CFHR5: variants seen among roughly 807,000 people sequenced by gnomAD.
The protein encoded by CFHR5 is complement factor H-related protein 5.
A neutral mutation model predicts 62.9 loss-of-function variants in CFHR5; 73 were observed. The observed-to-expected ratio is 1.16, with a 90% CI of 0.96 to 1.41. The LOEUF (loss-of-function observed/expected upper bound fraction) is 1.41. CFHR5 is among the 40% of genes most tolerant of loss of function. The pLI is 0.00. For missense variants in CFHR5, 779 were observed against 679.9 expected, an observed-to-expected ratio of 1.15 and a Z score of -1.62; for synonymous variants, 249 against 227.2, an observed-to-expected ratio of 1.10 and a Z score of -0.86.
chr1:197,005,354 A>G lies in CFHR5; in HGVS notation c.1513+511A>G, dbSNP rs192243322. On this transcript the variant is annotated intron_variant, in intron 9 of 9. Transcript: ENST00000256785. Reference sequence around the variant, plus strand: ...GAAAATCTGGAAGAGTTACTGAGCCACTTTCTAAATCTTCACTATCCCTTC... The same window carrying G: ...GAAAATCTGGAAGAGTTACTGAGCCGCTTTCTAAATCTTCACTATCCCTTC... Among the ~76,000 whole-genome samples the G allele has an allele frequency of 4.3e-3, 652 of 152,294 alleles. 15 individuals are homozygous for G. Among genetic ancestry groups the G allele is most frequent in the Admixed American group, 0.039 (591 of 15,296 alleles).
chr1:197,000,332 G>A (rs1013628277), intron 7 of CFHR5, among the ~76,000 whole-genome samples: 1 of 151,976 alleles, frequency 6.6e-6, no homozygotes, highest in East Asian at 1.9e-4. Context: ...AGAAATACAT[G>A]GCTTCAAGAA....
chr1:196,990,434 G>T (rs1004002901), intron 3 of CFHR5, among the ~76,000 whole-genome samples: 10 of 152,140 alleles, frequency 6.6e-5, no homozygotes, highest in African/African-American at 2.2e-4. Context: ...TAGTTATTTT[G>T]CCCGTTAGTT....
At chr1:196,975,253 A>C (rs1653369947), upstream of CFHR5, among the ~76,000 whole-genome samples, 2 of 152,318 alleles carry the variant, frequency 1.3e-5, 1 homozygote, top group South Asian at 4.2e-4. Context: ...GAAAAAATGA[A>C]TTAAAGTAGA....
Position 196,980,591 on chromosome 1 carries a change from CGTGTGTGT to C in CFHR5, c.59-2263_59-2256del, listed in dbSNP as rs57437038. ...AAATGACTGTATGTCTGTATATATA[CGTGTGTGT>C]GTGTGTGTGTGTGTGTGTGTGTGTG... On this transcript the variant is annotated intron_variant, in intron 1 of 9. Transcript: ENST00000256785. 6.9e-3 allele frequency among the ~76,000 whole-genome samples: 998 copies of C among 145,502 alleles called. 10 individuals carry two copies. The highest frequency in any genetic ancestry group is 0.018 in the African/African-American group (722 of 39,716).
Position 196,984,009 on chromosome 1 carries a change from G to A in CFHR5, c.302G>A (p.Gly101Glu), listed in dbSNP as rs147278469. ...FVKNGHSESS[G>E]LIHLEGDTVQ... ...AAAAATGGTCATTCTGAATCTTCAG[G>A]ACTAATACATCTGGAAGGTGATACT... Residue 101 changes from glycine to glutamate, a missense_variant, in exon 3 of 10, where the codon GGA becomes GAA. Physicochemically the swap from Gly to Glu is moderately conservative, Grantham distance 98. Transcript: ENST00000256785. The A allele has an allele frequency of 8.7e-6, 14 of 1,612,510 alleles. No homozygotes were observed. Among genetic ancestry groups the A allele is most frequent in the Non-Finnish European group, 1.2e-5 (14 of 1,179,046 alleles).
Position 197,003,833 on chromosome 1 carries a change from G to C in CFHR5, c.1331-828G>C, listed in dbSNP as rs557494155. Among the ~76,000 whole-genome samples the C allele has an allele frequency of 4.6e-5, 7 of 152,278 alleles. No homozygotes were observed. In the South Asian group the frequency reaches 1.0e-3, roughly 23 times the overall value. On this transcript the variant is annotated intron_variant, in intron 8 of 9. Coordinates refer to ENST00000256785, the MANE Select transcript of CFHR5 (RefSeq NM_030787.4). The stretch of plus-strand genomic sequence containing the variant: ...ACCTTATTGAATTGTGACATTTTCA[G>C]CATGTTTGTAGGTTGGTGAATGATT...
chr1:196,988,900 G>A (rs147303728), intron 3 of CFHR5, among the ~76,000 whole-genome samples: 2,052 of 152,208 alleles, frequency 0.013, 55 homozygotes, highest in African/African-American at 0.047. Flanking sequence ...GAGTTAGGGA[G>A]TATTCACTCT....
intron 3 of CFHR5, among the ~76,000 whole-genome samples, chr1:196,990,443 T>G (rs1310095031): frequency 6.6e-6 from 1 of 152,180 alleles, no homozygotes; most frequent in East Asian, 1.9e-4. Flanking sequence ...TGCCCGTTAG[T>G]TGATGCAGTT....
At chr1:196,977,028 C>A (rs9427659), upstream of CFHR5, among the ~76,000 whole-genome samples, 1,032 of 151,754 alleles carry the variant, frequency 6.8e-3, 9 homozygotes, top group African/African-American at 0.023. Context: ...AGGATGGTCT[C>A]GATCTCCTGA....
rs371188168 is a variant in CFHR5, at chr1:197,002,538, A to T, written c.1204A>T (p.Thr402Ser). 6.2e-7 allele frequency: 1 copy of T among 1,613,614 alleles called. No individual in the cohort carries two copies. The highest frequency in any genetic ancestry group is 8.5e-7 in the Non-Finnish European group (1 of 1,179,776). ...TCAGATACCTAATGCTCAGAATATG[A>T]CAACCACAGTGAATTATCAGGATGG... ...PPQIPNAQNM[T>S]TTVNYQDGEK... The change falls in exon 8 of 10, where the codon ACA becomes TCA. Residue 402 changes from threonine to serine, a missense_variant. Physicochemically the swap from Thr to Ser is moderately conservative, Grantham distance 58. Transcript: ENST00000256785.
Position 197,004,690 on chromosome 1 carries a change from T to C in CFHR5, c.1360T>C (p.Ser454Pro). Residue 454 changes from serine (S) to proline (P), a missense_variant, in exon 9 of 10, where the codon TCT becomes CCT. Transcript: ENST00000256785. ...ESTAYCGPPP[S>P]INNGDTTSFP... ...TACTGCATATTGTGGGCCCCCTCCATCTATTAACAATGGAGATACCACCTC... is the reference window on the plus strand; with the variant it reads ...TACTGCATATTGTGGGCCCCCTCCACCTATTAACAATGGAGATACCACCTC... 6.2e-7 allele frequency: 1 copy of C among 1,613,732 alleles called. No homozygotes were observed. Among genetic ancestry groups the C allele is most frequent in the Non-Finnish European group, 8.5e-7 (1 of 1,179,674 alleles).
At chr1:196,988,573 G>A (rs1001909879) in intron 3 of CFHR5, among the ~76,000 whole-genome samples, 3 of 152,100 alleles carry the variant, frequency 2.0e-5, no homozygotes, top group African/African-American at 7.2e-5. Flanking sequence ...AGAGTTTTTA[G>A]CATGAAGCGC....
chr1:196,990,105 C>G (rs1161223592), intron 3 of CFHR5, among the ~76,000 whole-genome samples: 1 of 152,094 alleles, frequency 6.6e-6, no homozygotes, highest in African/African-American at 2.4e-5. Flanking sequence ...TTGAATTGAT[C>G]CCTTTACCAT....
upstream of CFHR5, among the ~76,000 whole-genome samples, chr1:196,976,291 A>C (rs2125023105): frequency 6.6e-6 from 1 of 152,238 alleles, no homozygotes; most frequent in Non-Finnish European, 1.5e-5. Context: ...TTCCCCATTA[A>C]ATGTTAAATT....
chr1:196,975,105 T>G (rs556406348), upstream of CFHR5, among the ~76,000 whole-genome samples: 59 of 152,248 alleles, frequency 3.9e-4, 1 homozygote, highest in African/African-American at 1.1e-3. Context: ...CCATAGACCA[T>G]GTGAAGCAGG....
At chr1:197,000,124 T>C (rs145912520) in intron 7 of CFHR5, among the ~76,000 whole-genome samples, 1 of 151,818 alleles carries the variant, frequency 6.6e-6, no homozygotes, top group African/African-American at 2.4e-5. Context: ...TTTAAATAAA[T>C]AAATTACAAG....
At chr1:196,999,714 T>TAC (rs1654086394) in intron 7 of CFHR5, among the ~76,000 whole-genome samples, 3 of 48,666 alleles carry the variant, frequency 6.2e-5, no homozygotes, top group African/African-American at 9.7e-5. Context: ...TATATATATA[T>TAC]ATATATATAC....
At chr1:196,992,155 TA>T (rs1401890455) in intron 3 of CFHR5, among the ~76,000 whole-genome samples, 1 of 152,130 alleles carries the variant, frequency 6.6e-6, no homozygotes, top group African/African-American at 2.4e-5. Flanking sequence ...ACTGCCACAC[TA>T]GCAGTGAGCA....
rs1653978646 is a variant in CFHR5, at chr1:196,995,911, T to C, written c.790+12T>C. 2 of 1,607,458 alleles carry C rather than the reference T, an allele frequency of 1.2e-6. No homozygotes were observed. Among genetic ancestry groups the C allele is most frequent in the Non-Finnish European group, 8.5e-7 (1 of 1,174,230 alleles). On this transcript the variant is annotated intron_variant, in intron 5 of 9. Coordinates refer to ENST00000256785, the MANE Select transcript of CFHR5 (RefSeq NM_030787.4). Reference sequence around the variant, plus strand: ...ACCCACTTGTGTTGGTAAATAAATATTAACATTTAAACAGGACAGTTACTA... The same window carrying C: ...ACCCACTTGTGTTGGTAAATAAATACTAACATTTAAACAGGACAGTTACTA...
Sources: allele counts gnomAD v4.1 joint callset (sites outside exome capture counted in the v4.1 genomes callset), GRCh38; gene constraint gnomAD v4.1.1; transcripts MANE v1.5; gene names NCBI Gene and HGNC (gene_info 2026-07-23, HGNC 2026-07-21).